GPAT4: variants seen among roughly 807,000 people sequenced by gnomAD.
The protein encoded by GPAT4 is 1-AGP acyltransferase 6.
A neutral mutation model predicts 58.0 loss-of-function variants in GPAT4; 17 were observed. The observed-to-expected ratio is 0.29, with a 90% CI of 0.20 to 0.44. GPAT4 has a LOEUF of 0.44. GPAT4 is among the 20% of genes least tolerant of loss of function. The pLI is 1.00. For missense variants in GPAT4, 377 were observed against 574.5 expected (o/e 0.66, Z 3.51); for synonymous variants, 204 against 210.1 (o/e 0.97, Z 0.25).
chr8:41,585,898 T>C (rs1289809795), intron 1 of GPAT4, among the ~76,000 whole-genome samples: 2 of 152,374 alleles, frequency 1.3e-5, no homozygotes, highest in Non-Finnish European at 2.9e-5. Context: ...AATGCAGTTG[T>C]AGGTGAAGGT....
intron 1 of GPAT4, among the ~76,000 whole-genome samples, chr8:41,593,526 C>T (rs964808139): frequency 6.6e-6 from 1 of 152,160 alleles, no homozygotes; most frequent in Non-Finnish European, 1.5e-5. Flanking sequence ...GTGTGTGGAC[C>T]ACTCAGCCTC....
At chr8:41,612,390 C>T (rs1419811876) in intron 7 of GPAT4, 117 bp downstream of exon 7, 2 of 945,158 alleles carry the variant, frequency 2.1e-6, no homozygotes, top group African/African-American at 1.6e-5. Context: ...AGGCCCCCAC[C>T]TTACTGTCAC....
At chr8:41,585,117 T>G (rs1802617224) in intron 1 of GPAT4, among the ~76,000 whole-genome samples, 1 of 152,234 alleles carries the variant, frequency 6.6e-6, no homozygotes, top group Non-Finnish European at 1.5e-5. Context: ...AGCAAATTTC[T>G]TACACTCTAC....
chr8:41,578,779 C>T (rs904809472), intron 1 of GPAT4, among the ~76,000 whole-genome samples: 1 of 152,192 alleles, frequency 6.6e-6, no homozygotes, highest in Non-Finnish European at 1.5e-5. Context: ...CCTGAAATCC[C>T]TTGCCTTTCC....
Position 41,622,366 on chromosome 8 carries a change from C to T in GPAT4, c.*1365C>T, listed in dbSNP as rs146994129. 2 of 152,514 alleles carry T rather than the reference C, an allele frequency of 1.3e-5. No individual in the cohort carries two copies. Among genetic ancestry groups the T allele is most frequent in the Non-Finnish European group, 2.9e-5 (2 of 68,174 alleles). The allele number at this position is 152,514 out of a possible 1,614,324, so 9.4% of individuals were successfully genotyped here. Reference sequence around the variant, plus strand: ...AGCTTCTGCACAGCCAGAGCAGGCACCACAGGAAAAGAGTCGGCCACTGGT... The same window carrying T: ...AGCTTCTGCACAGCCAGAGCAGGCATCACAGGAAAAGAGTCGGCCACTGGT... On this transcript the variant is annotated 3_prime_UTR_variant, in exon 13 of 13. Transcript: ENST00000396987.
At chr8:41,605,283 T>G (rs1341832508) in intron 2 of GPAT4, among the ~76,000 whole-genome samples, 1 of 152,204 alleles carries the variant, frequency 6.6e-6, no homozygotes, top group Non-Finnish European at 1.5e-5. Flanking sequence ...AATGAATTAG[T>G]TGAAATACCA....
intron 1 of GPAT4, among the ~76,000 whole-genome samples, chr8:41,582,552 C>T (rs1004041987): frequency 6.6e-6 from 1 of 151,014 alleles, no homozygotes; most frequent in African/African-American, 2.4e-5. Flanking sequence ...CAGTGCTGTC[C>T]CATAGAAATA....
At chr8:41,588,804 A>G (rs1802718460) in intron 1 of GPAT4, among the ~76,000 whole-genome samples, 1 of 152,214 alleles carries the variant, frequency 6.6e-6, no homozygotes, top group African/African-American at 2.4e-5. Flanking sequence ...GAGTTAGGTT[A>G]GCTTAGTGAT....
At chr8:41,618,450 G>T (rs1192064158) in intron 10 of GPAT4, 5 of 571,030 alleles carry the variant, frequency 8.8e-6, no homozygotes, top group Non-Finnish European at 1.6e-5. Context: ...CAGGCTGTCA[G>T]GGGAGCCTTC....
Position 41,598,376 on chromosome 8 carries a change from A to C in GPAT4, c.-764A>C, listed in dbSNP as rs1802987209. On this transcript the variant is annotated 5_prime_UTR_variant, in exon 2 of 13. Transcript: ENST00000396987. ...CCTTCGGGAGAAGAGTGTCCAGAGG[A>C]TACCAATGCCAGATGCATCTGGAGT... The C allele has an allele frequency of 6.6e-6, 1 of 152,180 alleles. No individual in the cohort carries two copies. The highest frequency in any genetic ancestry group is 1.5e-5 in the Non-Finnish European group (1 of 68,040). 9.4% of individuals were successfully genotyped at this position (152,180 alleles called of 1,614,324 possible).
rs1016266453 is a variant in GPAT4, at chr8:41,598,672, A to G, written c.-468A>G. The G allele has an allele frequency of 6.4e-6, 1 of 155,226 alleles. No homozygotes were observed. The highest frequency in any genetic ancestry group is 1.4e-5 in the Non-Finnish European group (1 of 70,266). 9.6% of individuals were successfully genotyped at this position (155,226 alleles called of 1,614,324 possible). A position where few individuals can be genotyped will look rare whatever the true frequency, so the allele number is the denominator to read the frequency against. ...TGATTACCCCTCCACAGGAGTTATC[A>G]GGATTTTTCTGGCACCAAGTTTAAT... On this transcript the variant is annotated 5_prime_UTR_variant, in exon 2 of 13. Coordinates refer to ENST00000396987, the MANE Select transcript of GPAT4 (RefSeq NM_178819.4).
intron 1 of GPAT4, among the ~76,000 whole-genome samples, chr8:41,592,177 G>A (rs1802807341): frequency 2.0e-5 from 3 of 152,198 alleles, no homozygotes; most frequent in Admixed American, 2.0e-4. Flanking sequence ...TTTATGGGCA[G>A]TAGGAAGAAA....
At position 41,624,651 on chromosome 8, in the gene GPAT4, ATCT is replaced by A. The variant is rs1803860584; in HGVS notation, c.*3654_*3656del. On this transcript the variant is annotated 3_prime_UTR_variant, in exon 13 of 13. Coordinates refer to ENST00000396987, the MANE Select transcript of GPAT4 (RefSeq NM_178819.4). ...TTAGGATATGGCCACGCAGCCATCCATCTTCTACAGCACGCACACCCCACTCTC... is the reference window on the plus strand; with the variant it reads ...TTAGGATATGGCCACGCAGCCATCCATCTACAGCACGCACACCCCACTCTC... 4 of 152,352 alleles carry A rather than the reference ATCT, an allele frequency of 2.6e-5. No individual in the cohort carries two copies. The highest frequency in any genetic ancestry group is 2.6e-4 in the Admixed American group (4 of 15,300). The allele number at this position is 152,352 out of a possible 1,614,324, so 9.4% of individuals were successfully genotyped here.
Position 41,610,888 on chromosome 8 carries a change from C to G in GPAT4, c.611+78C>G, listed in dbSNP as rs1459466653. 6 of 1,405,872 alleles carry G rather than the reference C, an allele frequency of 4.3e-6. No individual in the cohort carries two copies. The South Asian group carries it at 5.6e-5, about 13-fold the overall frequency. 87.1% of individuals were successfully genotyped at this position (1,405,872 alleles called of 1,614,324 possible). A position where few individuals can be genotyped will look rare whatever the true frequency, so the allele number is the denominator to read the frequency against. ...TGCTCAGATATCGAAGGCAAGGACA[C>G]TTCTTTGGACACAACCAAAGCCATG... On this transcript the variant is annotated intron_variant, in intron 5 of 12. Transcript: ENST00000396987.
At chr8:41,579,532 A>C (rs2150476374) in intron 1 of GPAT4, among the ~76,000 whole-genome samples, 1 of 152,346 alleles carries the variant, frequency 6.6e-6, no homozygotes, top group Non-Finnish European at 1.5e-5. Flanking sequence ...TTAACATGAT[A>C]GAACAGGTTA....
At chr8:41,609,522 A>T (rs1461062318) in intron 3 of GPAT4, 37 bp downstream of exon 3, 1 of 1,610,592 alleles carries the variant, frequency 6.2e-7, no homozygotes, top group East Asian at 2.2e-5. Context: ...TGAGAGGTCC[A>T]TTTGAACAGT....
intron 1 of GPAT4, among the ~76,000 whole-genome samples, chr8:41,592,964 T>A (rs1802833758): frequency 6.6e-6 from 1 of 152,192 alleles, no homozygotes; most frequent in South Asian, 2.1e-4. Context: ...TCATTTTTTA[T>A]CCACGTGGCC....
At position 41,599,130 on chromosome 8, in the gene GPAT4, A is replaced by G. The variant is rs193289264; in HGVS notation, c.-10A>G. ...GGAGGCAGGTGCTGGCCTGGCCTGG[A>G]TCTTCCACCATGTTCCTGTTGCTGC... On this transcript the variant is annotated 5_prime_UTR_variant, in exon 2 of 13. Transcript: ENST00000396987. 1.2e-6 allele frequency: 2 copies of G among 1,608,860 alleles called. No individual in the cohort carries two copies. Among genetic ancestry groups the G allele is most frequent in the Admixed American group, 3.4e-5 (2 of 58,252 alleles).
At chr8:41,592,773 T>G (rs1585654235) in intron 1 of GPAT4, among the ~76,000 whole-genome samples, 1 of 152,334 alleles carries the variant, frequency 6.6e-6, no homozygotes, top group East Asian at 1.9e-4. Context: ...TGTAAACTTC[T>G]TCTTGAACTA....
Sources: allele counts gnomAD v4.1 joint callset (sites outside exome capture counted in the v4.1 genomes callset), GRCh38; gene constraint gnomAD v4.1.1; transcripts MANE v1.5; gene names NCBI Gene and HGNC (gene_info 2026-07-23, HGNC 2026-07-21).